The following ZNF804B variants were observed in gnomAD, a reference collection of about 807,000 sequenced individuals.
ZNF804B encodes the protein zinc finger 804B.
ZNF804B carries 80 observed loss-of-function variants against 101.4 expected under a neutral mutation model. The ratio of observed to expected loss-of-function variants is 0.79; its 90% confidence interval spans 0.66 to 0.95. The LOEUF (loss-of-function observed/expected upper bound fraction) is 0.95. Ranked by LOEUF, ZNF804B falls within the 40% of genes least tolerant of loss-of-function variation. ZNF804B has a pLI of 0.00. For missense variants in ZNF804B, 1,673 were observed against 1,561.9 expected (o/e 1.07, Z -1.20); for synonymous variants, 622 against 558.8 (o/e 1.11, Z -1.59).
At chr7:89,134,188 T>C (rs575363262) in intron 1 of ZNF804B, among the ~76,000 whole-genome samples, 6 of 152,246 alleles carry the variant, frequency 3.9e-5, no homozygotes, top group Non-Finnish European at 8.8e-5. Flanking sequence ...TAGACTTGTT[T>C]GAACGTCATA....
chr7:89,014,031 T>C (rs1788502252), intron 1 of ZNF804B, among the ~76,000 whole-genome samples: 1 of 152,142 alleles, frequency 6.6e-6, no homozygotes, highest in South Asian at 2.1e-4. Context: ...TGCAGATATG[T>C]CTTTGATATT....
rs563848570 is a variant in ZNF804B, at chr7:88,941,794, C to T, written c.108+181710C>T. On this transcript the variant is annotated intron_variant, in intron 1 of 3. Coordinates refer to ENST00000333190, the MANE Select transcript of ZNF804B (RefSeq NM_181646.5). ...TAATGTTGTGTGGATGAAGGTTGTTCTTGGTCCTTTGGCTAGAGAGGACCA... is the reference window on the plus strand; with the variant it reads ...TAATGTTGTGTGGATGAAGGTTGTTTTTGGTCCTTTGGCTAGAGAGGACCA... 7.2e-5 allele frequency among the ~76,000 whole-genome samples: 11 copies of T among 151,962 alleles called. No homozygotes were observed. The East Asian group carries it at 1.9e-3, about 27-fold the overall frequency.
chr7:89,259,944 C>G (rs113414621), intron 2 of ZNF804B, among the ~76,000 whole-genome samples: 1,707 of 151,964 alleles, frequency 0.011, 39 homozygotes, highest in African/African-American at 0.039. Context: ...GAGATCACAC[C>G]ACTGCATTCC....
intron 1 of ZNF804B, among the ~76,000 whole-genome samples, chr7:89,124,910 G>T (rs1790457118): frequency 6.6e-6 from 1 of 151,800 alleles, no homozygotes; most frequent in Admixed American, 6.6e-5. Flanking sequence ...TCCTCTTTTT[G>T]TCTATCAGGA....
chr7:88,930,981 C>T (rs961926820), intron 1 of ZNF804B, among the ~76,000 whole-genome samples: 3 of 151,826 alleles, frequency 2.0e-5, no homozygotes, highest in African/African-American at 7.2e-5. Flanking sequence ...TTAGCCTTCT[C>T]TTTTTGGTCA....
intron 1 of ZNF804B, among the ~76,000 whole-genome samples, chr7:89,154,077 T>C (rs181221107): frequency 6.6e-6 from 1 of 152,248 alleles, no homozygotes; most frequent in Non-Finnish European, 1.5e-5. Flanking sequence ...GCAGAAGTTT[T>C]AAATGGATAT....
At chr7:89,091,088 AT>A (rs1789879005) in intron 1 of ZNF804B, among the ~76,000 whole-genome samples, 1 of 152,052 alleles carries the variant, frequency 6.6e-6, no homozygotes, top group Non-Finnish European at 1.5e-5. Context: ...AATTTACTTC[AT>A]TTTTTATCAG....
At chr7:89,244,931 T>G (rs1789421610) in intron 2 of ZNF804B, among the ~76,000 whole-genome samples, 1 of 152,166 alleles carries the variant, frequency 6.6e-6, no homozygotes, top group African/African-American at 2.4e-5. Flanking sequence ...TTTAAAATTG[T>G]GTCAGGCAAC....
intron 1 of ZNF804B, among the ~76,000 whole-genome samples, chr7:89,139,116 A>AT (rs909407132): frequency 1.3e-5 from 2 of 151,702 alleles, no homozygotes; most frequent in East Asian, 1.9e-4. Flanking sequence ...GAGTCAAGGA[A>AT]TTTTTTTTTG....
intron 1 of ZNF804B, among the ~76,000 whole-genome samples, chr7:88,986,248 C>A (rs143200039): frequency 6.6e-6 from 1 of 152,054 alleles, no homozygotes; most frequent in Non-Finnish European, 1.5e-5. Flanking sequence ...TGTATTTATT[C>A]TCATACTTCC....
intron 1 of ZNF804B, among the ~76,000 whole-genome samples, chr7:88,924,537 A>G (rs1792767693): frequency 1.3e-5 from 2 of 152,024 alleles, no homozygotes; most frequent in South Asian, 2.1e-4. Flanking sequence ...TCATACCTTT[A>G]CCTCTATACC....
At chr7:89,282,906 G>A (rs1468703049) in intron 2 of ZNF804B, among the ~76,000 whole-genome samples, 4 of 152,114 alleles carry the variant, frequency 2.6e-5, no homozygotes, top group Non-Finnish European at 5.9e-5. Flanking sequence ...TTTGAGCCCA[G>A]TGAAACTAAT....
chr7:89,018,757 TC>T (rs1369863786), intron 1 of ZNF804B, among the ~76,000 whole-genome samples: 1 of 152,052 alleles, frequency 6.6e-6, no homozygotes, highest in Non-Finnish European at 1.5e-5. Context: ...ATTTACTTTT[TC>T]TCTAGGTTGT....
At chr7:89,245,732 A>C (rs1306293047) in intron 2 of ZNF804B, among the ~76,000 whole-genome samples, 1 of 152,190 alleles carries the variant, frequency 6.6e-6, no homozygotes, top group African/African-American at 2.4e-5. Context: ...CAAGAAAGAC[A>C]ATGGGAATCC....
chr7:89,249,029 T>TAAA lies in ZNF804B; in HGVS notation c.249+30748_249+30750dup, dbSNP rs58553222. On this transcript the variant is annotated intron_variant, in intron 2 of 3. Coordinates refer to ENST00000333190, the MANE Select transcript of ZNF804B (RefSeq NM_181646.5). The stretch of plus-strand genomic sequence containing the variant: ...AAATCAGATTTTAAACCAATAACAG[T>TAAA]AAAAAAAAAAAAAAAAGGACAAAGA... Among the ~76,000 whole-genome samples, 264 of 119,214 alleles carry TAAA rather than the reference T, an allele frequency of 2.2e-3. 1 individual carries two copies. The highest frequency in any genetic ancestry group is 6.1e-3 in the African/African-American group (203 of 33,276). The allele number at this position is 119,214 out of a possible 152,430, so 78.2% of individuals were successfully genotyped here.
At chr7:89,028,034 T>G (rs1788777565) in intron 1 of ZNF804B, among the ~76,000 whole-genome samples, 1 of 152,192 alleles carries the variant, frequency 6.6e-6, no homozygotes, top group African/African-American at 2.4e-5. Flanking sequence ...AGTGCTTTCT[T>G]TACATATTTA....
intron 2 of ZNF804B, among the ~76,000 whole-genome samples, chr7:89,292,516 G>C (rs1158406499): frequency 6.6e-6 from 1 of 151,812 alleles, no homozygotes; most frequent in African/African-American, 2.4e-5. Flanking sequence ...TACAGTATTT[G>C]CAAGCCTCAT....
At chr7:89,305,698 A>G (rs776796721) in intron 2 of ZNF804B, among the ~76,000 whole-genome samples, 1 of 152,084 alleles carries the variant, frequency 6.6e-6, no homozygotes, top group Non-Finnish European at 1.5e-5. Context: ...AAAAACATAT[A>G]ATGATAAAAT....
At chr7:89,327,519 C>A in intron 3 of ZNF804B, 45 bp downstream of exon 3, 1 of 1,581,456 alleles carries the variant, frequency 6.3e-7, no homozygotes, top group Non-Finnish European at 8.6e-7. Flanking sequence ...TCTCGTCAAC[C>A]TATGGGGAAA....
Sources: gnomAD v4.1 joint callset for allele counts (sites outside exome capture counted in the v4.1 genomes callset) on GRCh38, gnomAD v4.1.1 for gene constraint, MANE v1.5 for transcripts, NCBI Gene and HGNC (gene_info 2026-07-23, HGNC 2026-07-21) for gene names.